The following OPHN1 variants were observed in gnomAD, a reference collection of about 807,000 sequenced individuals.
The protein encoded by OPHN1 is oligophrenin-1.
Under a neutral mutation model 60.7 loss-of-function variants are expected in OPHN1, and 11 were observed. The ratio of observed to expected loss-of-function variants is 0.18; its 90% CI spans 0.11 to 0.30. OPHN1 has a LOEUF of 0.30. OPHN1 is among the 10% of genes least tolerant of loss of function. The pLI, the probability that OPHN1 is intolerant of heterozygous loss-of-function variation, is 1.00. For missense variants in OPHN1, 449 were observed against 611.0 expected (o/e 0.73, Z 2.80); for synonymous variants, 226 against 222.6 (o/e 1.02, Z -0.14).
intron 5 of OPHN1, among the ~76,000 whole-genome samples, chrX:68,258,131 G>C (rs1458867306): frequency 5.4e-5 from 6 of 110,460 alleles, no homozygotes; most frequent in African/African-American, 2.0e-4. Context: ...GATGGCAAGG[G>C]AGATGGAAAA....
At chrX:68,168,036 A>G (rs1025514036) in intron 15 of OPHN1, among the ~76,000 whole-genome samples, 1 of 110,870 alleles carries the variant, frequency 9.0e-6, no homozygotes, top group Admixed American at 9.7e-5. Context: ...AAACAACTGA[A>G]ATCATGGACA....
chrX:68,370,390 C>T, intron 2 of OPHN1, among the ~76,000 whole-genome samples: 1 of 109,583 alleles, frequency 9.1e-6, no homozygotes, highest in South Asian at 4.0e-4. Context: ...ACCTGCAATC[C>T]CATCTACTTG....
intron 15 of OPHN1, among the ~76,000 whole-genome samples, chrX:68,154,158 C>T (rs1377025219): frequency 1.8e-5 from 2 of 112,282 alleles, no homozygotes; most frequent in Admixed American, 9.4e-5. Context: ...GCACTAAGTG[C>T]TTTCTGTGAA....
At chrX:68,328,617 T>G (rs1269339963) in intron 2 of OPHN1, among the ~76,000 whole-genome samples, 5 of 112,044 alleles carry the variant, frequency 4.5e-5, no homozygotes, top group African/African-American at 1.6e-4. Context: ...ACAGTATAGT[T>G]GACTTTGGCA....
At chrX:68,072,758 T>C (rs1490343761) in intron 20 of OPHN1, among the ~76,000 whole-genome samples, 2 of 112,190 alleles carry the variant, frequency 1.8e-5, no homozygotes, top group African/African-American at 6.5e-5. Flanking sequence ...GCAAGCAATG[T>C]ATCTTAATTT....
intron 2 of OPHN1, among the ~76,000 whole-genome samples, chrX:68,365,044 C>G (rs898224123): frequency 8.9e-6 from 1 of 112,053 alleles, no homozygotes; most frequent in Non-Finnish European, 1.9e-5. Flanking sequence ...TAAACTTCAG[C>G]TATGATAACT....
At chrX:68,251,595 C>T (rs1448838858) in intron 5 of OPHN1, among the ~76,000 whole-genome samples, 2 of 111,677 alleles carry the variant, frequency 1.8e-5, no homozygotes, top group African/African-American at 6.5e-5. Context: ...ATAGACTAAT[C>T]ATTGCATTCA....
At chrX:68,094,630 C>A (rs943057486) in intron 19 of OPHN1, among the ~76,000 whole-genome samples, 1 of 111,101 alleles carries the variant, frequency 9.0e-6, no homozygotes, top group African/African-American at 3.3e-5. Flanking sequence ...GCCTGTTAAG[C>A]CTAAATCAAA....
In OPHN1 at chrX:68,273,336, T is replaced by C. The variant is rs762741381; in HGVS notation, c.384+1402A>G. Among the ~76,000 whole-genome samples, 65 of 112,352 alleles carry C rather than the reference T, an allele frequency of 5.8e-4. 1 individual carries two copies. Among genetic ancestry groups the C allele is most frequent in the African/African-American group, 2.1e-3 (65 of 30,978 alleles). ...TGGACAAGATGCTGTATTTTAGCCC[T>C]GGTAGAAGAAACTACCTTTGCTACA... On this transcript the variant is annotated intron_variant, in intron 5 of 24. Transcript: ENST00000355520.
At chrX:68,051,363 GA>G (rs376575828) in intron 23 of OPHN1, among the ~76,000 whole-genome samples, 5 of 111,493 alleles carry the variant, frequency 4.5e-5, no homozygotes, top group African/African-American at 1.3e-4. Flanking sequence ...CAGCACTTGA[GA>G]AGTTTTAATA....
chrX:68,301,445 CAAAAAAAAAA>C (rs56927719), intron 2 of OPHN1, among the ~76,000 whole-genome samples: 4 of 35,370 alleles, frequency 1.1e-4, no homozygotes, highest in African/African-American at 3.6e-4. Context: ...GACTCCATCT[CAAAAAAAAAA>C]AAAAAAAAAA....
chrX:68,130,796 T>C (rs773826804), intron 15 of OPHN1, among the ~76,000 whole-genome samples: 13 of 111,930 alleles, frequency 1.2e-4, no homozygotes, highest in Non-Finnish European at 2.1e-4. Context: ...ATATCACTCA[T>C]ATTCCCTCTT....
intron 2 of OPHN1, among the ~76,000 whole-genome samples, chrX:68,374,530 C>T (rs1366185776): frequency 9.1e-6 from 1 of 110,423 alleles, no homozygotes; most frequent in Admixed American, 9.8e-5. Context: ...TAGCTCACTG[C>T]AGCCTTGATC....
At chrX:68,331,099 TTA>T (rs1057425040) in intron 2 of OPHN1, among the ~76,000 whole-genome samples, 2 of 105,083 alleles carry the variant, frequency 1.9e-5, no homozygotes, top group African/African-American at 3.4e-5. Context: ...GTACATAAAA[TTA>T]TATATATAAT....
chrX:68,339,949 G>A (rs1294306205), intron 2 of OPHN1, among the ~76,000 whole-genome samples: 3 of 111,937 alleles, frequency 2.7e-5, no homozygotes, highest in Non-Finnish European at 3.8e-5. Flanking sequence ...CAAAAATAAA[G>A]AACACTGTTT....
chrX:68,117,361 G>A (rs1390241346), intron 16 of OPHN1, among the ~76,000 whole-genome samples: 1 of 111,749 alleles, frequency 8.9e-6, no homozygotes, highest in African/African-American at 3.3e-5. Context: ...TTCATAGCAC[G>A]TTATACCTTT....
chrX:68,125,960 TACACACACACACAC>T (rs111449909), intron 15 of OPHN1, among the ~76,000 whole-genome samples: 28 of 76,852 alleles, frequency 3.6e-4, no homozygotes, highest in Non-Finnish European at 5.0e-4. Flanking sequence ...TATATATACA[TACACACACACACAC>T]ACACATATAT....
chrX:68,129,748 A>C (rs2077186494), intron 15 of OPHN1, among the ~76,000 whole-genome samples: 2 of 112,035 alleles, frequency 1.8e-5, no homozygotes, highest in Admixed American at 1.9e-4. Context: ...ATATAATATT[A>C]CTGAGAAAAA....
At chrX:68,321,575 C>CA (rs1569279630) in intron 2 of OPHN1, among the ~76,000 whole-genome samples, 4 of 111,529 alleles carry the variant, frequency 3.6e-5, no homozygotes, top group African/African-American at 1.3e-4. Flanking sequence ...ACCCAAATGT[C>CA]GTATGTTCTC....
Sources: allele counts gnomAD v4.1 joint callset (sites outside exome capture counted in the v4.1 genomes callset), GRCh38; gene constraint gnomAD v4.1.1; transcripts MANE v1.5; gene names NCBI Gene and HGNC (gene_info 2026-07-23, HGNC 2026-07-21).